The following CC2D2B variants were observed in gnomAD, a reference collection of about 807,000 sequenced individuals.
CC2D2B encodes coiled-coil and C2 domain containing 2B.
CC2D2B carries 128 observed loss-of-function variants against 161.2 expected under a neutral mutation model. The ratio of observed to expected loss-of-function variants is 0.79; its 90% CI spans 0.69 to 0.92. The LOEUF is 0.92. Ranked by LOEUF, CC2D2B falls within the 40% of genes least tolerant of loss-of-function variation. The pLI is 0.00. For missense variants in CC2D2B, 1,173 were observed against 1,375.1 expected, an observed-to-expected ratio of 0.85 and a Z score of 2.32; for synonymous variants, 391 against 449.8, an observed-to-expected ratio of 0.87 and a Z score of 1.65.
intron 10 of CC2D2B, among the ~76,000 whole-genome samples, chr10:95,953,125 A>C (rs1415868223): frequency 6.6e-6 from 1 of 152,186 alleles, no homozygotes; most frequent in Admixed American, 6.5e-5. Context: ...CCATAAAAGA[A>C]GTATGTCTTT....
intron 6 of CC2D2B, among the ~76,000 whole-genome samples, chr10:95,934,437 GAAAAAA>G (rs551651883): frequency 7.0e-6 from 1 of 143,846 alleles, no homozygotes; most frequent in African/African-American, 2.6e-5. Context: ...ACTGGGGTAT[GAAAAAA>G]AAAAAACAAA....
rs542946778 is a variant in CC2D2B at position 96,005,753 on chromosome 10, A to T, written c.2946+1505A>T. ...AGAAATGGACTGAACTGCCTTTGGA[A>T]CTGGCAGAGCAAGCCCCATGCATAC... On this transcript the variant is annotated intron_variant, in intron 25 of 34. Coordinates refer to ENST00000646931, the MANE Select transcript of CC2D2B (RefSeq NM_001349008.3). Among the ~76,000 whole-genome samples the T allele has an allele frequency of 5.9e-5, 9 of 152,286 alleles. No individual in the cohort carries two copies. The South Asian group carries it at 1.9e-3, about 32-fold the overall frequency.
chr10:95,987,282 C>T (rs529208565), intron 19 of CC2D2B, among the ~76,000 whole-genome samples: 37 of 152,046 alleles, frequency 2.4e-4, no homozygotes, highest in African/African-American at 5.8e-4. Flanking sequence ...TGAGATCGTG[C>T]CACTGTACTC....
intron 34 of CC2D2B, among the ~76,000 whole-genome samples, chr10:96,028,590 G>C (rs1388600892): frequency 6.6e-6 from 1 of 152,092 alleles, no homozygotes; most frequent in Non-Finnish European, 1.5e-5. Flanking sequence ...ACTAAAAATA[G>C]AGCTACCATA....
At chr10:95,930,674 C>T (rs569525618) in intron 6 of CC2D2B, among the ~76,000 whole-genome samples, 4 of 152,174 alleles carry the variant, frequency 2.6e-5, no homozygotes, top group South Asian at 4.1e-4. Context: ...GTTCTGTTTA[C>T]GTGATGGATT....
chr10:95,997,205 G>A (rs1468638169), intron 24 of CC2D2B, among the ~76,000 whole-genome samples: 2 of 152,124 alleles, frequency 1.3e-5, no homozygotes, highest in Non-Finnish European at 2.9e-5. Context: ...GTATTCTGTT[G>A]TATAAAAATG....
At chr10:95,947,082 A>AAAAAAAATAT (rs1467752343) in intron 9 of CC2D2B, among the ~76,000 whole-genome samples, 1 of 39,484 alleles carries the variant, frequency 2.5e-5, no homozygotes, top group African/African-American at 8.9e-5. Flanking sequence ...TGGACTCAAA[A>AAAAAAAATAT]ATATATATAT....
intron 2 of CC2D2B, among the ~76,000 whole-genome samples, chr10:95,912,080 A>G (rs1398652820): frequency 6.6e-6 from 1 of 152,144 alleles, no homozygotes; most frequent in Admixed American, 6.6e-5. Context: ...TTTAACTGTG[A>G]TCATGTCAAT....
chr10:95,950,150 A>G, intron 10 of CC2D2B, 45 bp downstream of exon 10: 2 of 398,500 alleles, frequency 5.0e-6, no homozygotes, highest in Middle Eastern at 6.3e-4. Context: ...AATATTGAAA[A>G]AGAAAAAATT....
At position 95,938,830 on chromosome 10, in the gene CC2D2B, A is replaced by G; in HGVS notation, c.706A>G (p.Met236Val). 2 of 711,134 alleles carry G rather than the reference A, an allele frequency of 2.8e-6. No homozygotes were observed. The highest frequency in any genetic ancestry group is 2.6e-6 in the Non-Finnish European group (1 of 383,268). The allele number at this position is 711,134 out of a possible 1,614,324, so 44.1% of individuals were successfully genotyped here. A position where few individuals can be genotyped will look rare whatever the true frequency, so the allele number is the denominator to read the frequency against. ...KCWFGESGEI[M>V]SLPTPIKQSW... is the part of the protein sequence containing the mutation. ...TTGGTTTGGAGAAAGTGGAGAAATA[A>G]TGTCATTACCTACACCTATTAAACA... Residue 236 changes from methionine to valine, a missense_variant, in exon 9 of 35, where the codon ATG (methionine) becomes GTG (valine). Around this residue, in one of 3 missense-constraint regions of CC2D2B, gnomAD observed 298 missense variants for 261.2 expected, o/e 1.14. Coordinates refer to ENST00000646931, the MANE Select transcript of CC2D2B (RefSeq NM_001349008.3).
chr10:95,990,765 CAG>C (rs1376036372), intron 20 of CC2D2B, among the ~76,000 whole-genome samples: 1 of 152,090 alleles, frequency 6.6e-6, no homozygotes, highest in African/African-American at 2.4e-5. Flanking sequence ...AAACTAAAGA[CAG>C]GGTAAGAGGA....
chr10:95,962,347 C>G (rs2076789662), intron 12 of CC2D2B, among the ~76,000 whole-genome samples: 1 of 152,002 alleles, frequency 6.6e-6, no homozygotes, highest in Non-Finnish European at 1.5e-5. Flanking sequence ...TGCTACACAC[C>G]TATTAGAATG....
chr10:96,016,148 CAACTT>C, intron 29 of CC2D2B, 48 bp from the exon 30 acceptor site: 1 of 1,222,044 alleles, frequency 8.2e-7, no homozygotes, highest in South Asian at 1.2e-5. Flanking sequence ...TTGCGTTACT[CAACTT>C]TCCCGCACTT....
intron 18 of CC2D2B, 77 bp from the exon 19 acceptor site, chr10:95,983,529 T>C: frequency 3.3e-6 from 2 of 611,882 alleles, no homozygotes; most frequent in Non-Finnish European, 4.7e-6. Context: ...GATCTCACAG[T>C]TGGGGAAAAA....
intron 6 of CC2D2B, among the ~76,000 whole-genome samples, chr10:95,930,137 A>G (rs2098547324): frequency 6.6e-6 from 1 of 151,942 alleles, no homozygotes; most frequent in Non-Finnish European, 1.5e-5. Context: ...ATTCCTAGGT[A>G]TTTTATTCTC....
chr10:95,958,158 A>G (rs2076639333), intron 11 of CC2D2B, among the ~76,000 whole-genome samples: 1 of 152,030 alleles, frequency 6.6e-6, no homozygotes, highest in African/African-American at 2.4e-5. Context: ...CTAAAGAAAG[A>G]TGTCAAGAAA....
chr10:95,912,405 T>C (rs183922693), intron 2 of CC2D2B, among the ~76,000 whole-genome samples: 32 of 152,250 alleles, frequency 2.1e-4, no homozygotes, highest in Non-Finnish European at 2.9e-5. Flanking sequence ...GCTAGAAATA[T>C]GATTTTGATG....
chr10:96,012,413 A>G, intron 27 of CC2D2B, 46 bp downstream of exon 27: 2 of 723,494 alleles, frequency 2.8e-6, no homozygotes, highest in Non-Finnish European at 4.7e-6. Flanking sequence ...TCAAAGAGGT[A>G]TGAACTATTT....
At chr10:96,014,171 G>C (rs1416180540) in intron 29 of CC2D2B, among the ~76,000 whole-genome samples, 1 of 152,092 alleles carries the variant, frequency 6.6e-6, no homozygotes, top group Non-Finnish European at 1.5e-5. Context: ...CTATGGAGTT[G>C]GTCAGACCCT....
Sources: allele counts gnomAD v4.1 joint callset (sites outside exome capture counted in the v4.1 genomes callset), GRCh38; gene constraint gnomAD v4.1.1; regional missense constraint gnomAD v4.1.1; transcripts MANE v1.5; gene names NCBI Gene and HGNC (gene_info 2026-07-23, HGNC 2026-07-21).